XRN2: variants seen among roughly 807,000 people sequenced by gnomAD.
XRN2 encodes DHM1-like protein.
XRN2 carries 44 observed loss-of-function variants against 138.5 expected under a neutral mutation model. That is an observed-to-expected ratio of 0.32 (90% CI 0.25 to 0.41). The LOEUF is 0.41. Among genes scored for constraint, XRN2 ranks in the 10% least tolerant of loss-of-function variants. The pLI is 1.00. For missense variants in XRN2, 937 were observed against 1,169.3 expected, an observed-to-expected ratio of 0.80 and a Z score of 2.90; for synonymous variants, 354 against 369.4, an observed-to-expected ratio of 0.96 and a Z score of 0.48.
intron 1 of XRN2, among the ~76,000 whole-genome samples, chr20:21,323,450 T>C (rs1199844195): frequency 2.0e-5 from 3 of 152,226 alleles, no homozygotes; most frequent in Non-Finnish European, 4.4e-5. Flanking sequence ...TCCTTTTAGC[T>C]GCCCTTTGAT....
At chr20:21,350,838 C>T (rs758692229) in intron 20 of XRN2, among the ~76,000 whole-genome samples, 1 of 151,974 alleles carries the variant, frequency 6.6e-6, no homozygotes, top group Non-Finnish European at 1.5e-5. Flanking sequence ...AATATCATAT[C>T]GCTTCAGTGG....
rs1230499361 is a variant in XRN2 at position 21,344,159 on chromosome 20, C to T, written c.1480C>T (p.Arg494Ter). 3 of 1,613,288 alleles carry T rather than the reference C, an allele frequency of 1.9e-6. No homozygotes were observed. Among genetic ancestry groups the T allele is most frequent in the Non-Finnish European group, 2.5e-6 (3 of 1,179,418 alleles). ...CCCGTCTCCATTAGGAGGAATTAAG[C>T]GAAAAGCAGAAGACAGTGACAGTGA... Reference protein sequence around the residue: ...GSPSPLGGIKRKAEDSDSEPE... With the variant: ...GSPSPLGGIK The change falls in exon 16 of 30, where the codon CGA becomes TGA. Residue 494 changes from arginine to a stop codon, truncating the protein, a stop_gained. Coordinates refer to ENST00000377191, the MANE Select transcript of XRN2 (RefSeq NM_012255.5). LOFTEE classifies it high-confidence loss of function.
At chr20:21,340,251 C>T (rs1390634556) in intron 14 of XRN2, among the ~76,000 whole-genome samples, 2 of 152,068 alleles carry the variant, frequency 1.3e-5, no homozygotes, top group Non-Finnish European at 1.5e-5. Context: ...GTGGAGATTG[C>T]ACCACTGCAC....
Position 21,368,447 on chromosome 20 carries a change from T to C in XRN2, c.2457-16T>C. 6.2e-7 allele frequency: 1 copy of C among 1,613,016 alleles called. No individual in the cohort carries two copies. Among genetic ancestry groups the C allele is most frequent in the Non-Finnish European group, 8.5e-7 (1 of 1,179,560 alleles). ...CACTATACAATTTTTTTTTCTTGTG[T>C]TGGGTCCTTTTATAGCCATGTGATG... On this transcript the variant is annotated splice_polypyrimidine_tract_variant and intron_variant, in intron 26 of 29. Transcript: ENST00000377191.
At position 21,319,879 on chromosome 20, in the gene XRN2, A is replaced by G. The variant is rs146557175; in HGVS notation, c.76-6400A>G. Among the ~76,000 whole-genome samples, 189 of 152,290 alleles carry G rather than the reference A, an allele frequency of 1.2e-3. 1 individual carries two copies. Among genetic ancestry groups the G allele is most frequent in the Non-Finnish European group, 2.3e-3 (154 of 68,022 alleles). The stretch of plus-strand genomic sequence containing the variant: ...GGCAAATATATTACACATATATTAC[A>G]TTCTGCCTTATAAGCTCAACATTAT... On this transcript the variant is annotated intron_variant, in intron 1 of 29. Transcript: ENST00000377191.
chr20:21,331,453 T>C (rs1051117300), intron 6 of XRN2, 108 bp from the exon 7 acceptor site: 11 of 888,206 alleles, frequency 1.2e-5, no homozygotes, highest in Admixed American at 6.9e-5. Flanking sequence ...ATTCAGAAAA[T>C]TTTCCCGTAA....
chr20:21,355,850 C>T (rs2038569765), intron 21 of XRN2, among the ~76,000 whole-genome samples: 1 of 152,108 alleles, frequency 6.6e-6, no homozygotes, highest in Admixed American at 6.6e-5. Flanking sequence ...GGGAACATTA[C>T]AGTTTCTTTC....
At chr20:21,373,793 T>C (rs2038788086) in intron 27 of XRN2, among the ~76,000 whole-genome samples, 1 of 152,242 alleles carries the variant, frequency 6.6e-6, no homozygotes, top group Admixed American at 6.5e-5. Flanking sequence ...GATGGTAGTG[T>C]TCAAGGTTTG....
chr20:21,357,115 T>C (rs765103699), intron 23 of XRN2, among the ~76,000 whole-genome samples: 1 of 130,322 alleles, frequency 7.7e-6, no homozygotes, highest in Non-Finnish European at 1.6e-5. Flanking sequence ...TTTATAAGAA[T>C]GTTATTTATG....
chr20:21,375,060 T>G (rs1368552905), intron 27 of XRN2, among the ~76,000 whole-genome samples: 1 of 105,826 alleles, frequency 9.4e-6, no homozygotes, highest in African/African-American at 3.7e-5. Flanking sequence ...CATTCTAAAA[T>G]TTCAAATTTA....
chr20:21,389,585 G>T lies in XRN2; in HGVS notation c.*247G>T, dbSNP rs2038968028. On this transcript the variant is annotated 3_prime_UTR_variant, in exon 30 of 30. Coordinates refer to ENST00000377191, the MANE Select transcript of XRN2 (RefSeq NM_012255.5). The stretch of plus-strand genomic sequence containing the variant: ...CACATTTGATGGAATAGGAGTACTG[G>T]TTTTTCATAATGGTTAAAAATGAAA... 2 of 334,350 alleles carry T rather than the reference G, an allele frequency of 6.0e-6. No individual in the cohort carries two copies. The highest frequency in any genetic ancestry group is 2.1e-5 in the African/African-American group (1 of 46,542). The allele number at this position is 334,350 out of a possible 1,614,324, so 20.7% of individuals were successfully genotyped here. A position where few individuals can be genotyped will look rare whatever the true frequency, so the allele number is the denominator to read the frequency against.
chr20:21,318,778 A>C (rs2037996480), intron 1 of XRN2, among the ~76,000 whole-genome samples: 1 of 151,372 alleles, frequency 6.6e-6, no homozygotes, highest in African/African-American at 2.4e-5. Context: ...TTTTCTCTTA[A>C]TGGTTTCTAA....
chr20:21,386,797 A>G lies in XRN2; in HGVS notation c.2649-71A>G, dbSNP rs1030393522. 3.4e-5 allele frequency: 53 copies of G among 1,539,398 alleles called. No individual in the cohort carries two copies. The Middle Eastern group carries it at 7.2e-4, about 21-fold the overall frequency. ...GATTGTACTAAAATTTGGAGATGATACCTGCCGATTTTAGGCTTTGTGCTG... is the reference window on the plus strand; with the variant it reads ...GATTGTACTAAAATTTGGAGATGATGCCTGCCGATTTTAGGCTTTGTGCTG... On this transcript the variant is annotated intron_variant, in intron 28 of 29. Transcript: ENST00000377191.
intron 4 of XRN2, among the ~76,000 whole-genome samples, chr20:21,330,156 G>A (rs2038186717): frequency 2.0e-5 from 3 of 151,946 alleles, no homozygotes; most frequent in African/African-American, 7.3e-5. Flanking sequence ...GGTGGCAGGC[G>A]CCTGTAATCC....
intron 27 of XRN2, among the ~76,000 whole-genome samples, chr20:21,378,037 TC>T (rs2038845428): frequency 6.6e-6 from 1 of 152,208 alleles, no homozygotes; most frequent in Non-Finnish European, 1.5e-5. Flanking sequence ...TTTTATCTGA[TC>T]CCTTCTCTTT....
At chr20:21,310,462 G>T (rs934491521) in intron 1 of XRN2, among the ~76,000 whole-genome samples, 1 of 152,144 alleles carries the variant, frequency 6.6e-6, no homozygotes, top group African/African-American at 2.4e-5. Context: ...GTTTTTGGTT[G>T]TGTATTTTGA....
intron 1 of XRN2, among the ~76,000 whole-genome samples, chr20:21,304,190 T>C (rs541398051): frequency 1.6e-4 from 25 of 152,326 alleles, no homozygotes; most frequent in African/African-American, 5.1e-4. Flanking sequence ...TTGGCCATTA[T>C]TGAGTTTTGT....
At chr20:21,322,173 C>T (rs6113190) in intron 1 of XRN2, among the ~76,000 whole-genome samples, 1 of 152,140 alleles carries the variant, frequency 6.6e-6, no homozygotes, top group Non-Finnish European at 1.5e-5. Context: ...AGTAAAAGCC[C>T]TTGTAACAGT....
intron 26 of XRN2, among the ~76,000 whole-genome samples, chr20:21,367,346 A>G (rs1045058411): frequency 1.3e-5 from 2 of 152,302 alleles, no homozygotes; most frequent in African/African-American, 2.4e-5. Flanking sequence ...ATTAATAATG[A>G]TAACTTATAA....
Sources: gnomAD v4.1 joint callset for allele counts (sites outside exome capture counted in the v4.1 genomes callset) on GRCh38, gnomAD v4.1.1 for gene constraint, MANE v1.5 for transcripts, NCBI Gene and HGNC (gene_info 2026-07-23, HGNC 2026-07-21) for gene names.